Variants in PPARGC1B observed in about 807,000 individuals in gnomAD.
PPARGC1B encodes the protein PPARG coactivator 1 beta, also known as peroxisome proliferator-activated receptor gamma coactivator 1-beta.
Under a neutral mutation model 101.6 loss-of-function variants are expected in PPARGC1B, and 34 were observed. That is an observed-to-expected ratio of 0.33 (90% CI 0.25 to 0.45). The LOEUF (loss-of-function observed/expected upper bound fraction) is 0.45, where lower values mean the gene tolerates loss of function less well. Ranked by LOEUF, PPARGC1B falls within the 20% of genes least tolerant of loss-of-function variation. PPARGC1B has a pLI of 1.00. For missense variants in PPARGC1B, 1,234 were observed against 1,317.6 expected, an observed-to-expected ratio of 0.94 and a Z score of 0.98; for synonymous variants, 548 against 539.3, an observed-to-expected ratio of 1.02 and a Z score of -0.22.
intron 1 of PPARGC1B, among the ~76,000 whole-genome samples, chr5:149,752,290 A>T (rs1755335765): frequency 6.6e-6 from 1 of 152,190 alleles, no homozygotes; most frequent in African/African-American, 2.4e-5. Flanking sequence ...CTGATTTAGA[A>T]TCTATTACTC....
chr5:149,732,601 A>G (rs1754542442), intron 1 of PPARGC1B, among the ~76,000 whole-genome samples: 1 of 152,204 alleles, frequency 6.6e-6, no homozygotes, highest in African/African-American at 2.4e-5. Flanking sequence ...TTATTTAACC[A>G]CATGACAGGC....
Position 149,842,322 on chromosome 5 carries a change from C to T in PPARGC1B, c.2761C>T (p.Arg921Cys), listed in dbSNP as rs538570659. 73 of 1,614,072 alleles carry T rather than the reference C, an allele frequency of 4.5e-5. 1 individual carries two copies. In the South Asian group the frequency reaches 5.6e-4, roughly 12 times the overall value. The change falls in exon 10 of 12, where the codon CGC (arginine) becomes TGC (cysteine). Residue 921 changes from arginine to cysteine, a missense_variant. This residue lies in a region of PPARGC1B where 497 missense variants were observed against 529.5 expected (regional missense o/e 0.94). Transcript: ENST00000309241. ...CATGAGCTCCCGAGAGCTGAAGAGG[C>T]GCTTTGAAGTGTTTGGTGAGATTGA... The part of the protein sequence containing the change: ...SDMSSRELKR[R>C]FEVFGEIEEC...
intron 1 of PPARGC1B, among the ~76,000 whole-genome samples, chr5:149,760,363 G>A (rs1390327825): frequency 6.6e-6 from 1 of 152,210 alleles, no homozygotes; most frequent in Non-Finnish European, 1.5e-5. Flanking sequence ...GGTAGCTATG[G>A]GAAGGGCTTT....
rs1410498826 is a variant in PPARGC1B at position 149,851,623 on chromosome 5, G to T, written c.*4065G>T. ...TCCCTGGCCAAAGAAGAGGGACCCTGTCATCCTTACCAATGGGGAAGAAGA... is the reference window on the plus strand; with the variant it reads ...TCCCTGGCCAAAGAAGAGGGACCCTTTCATCCTTACCAATGGGGAAGAAGA... On this transcript the variant is annotated 3_prime_UTR_variant, in exon 12 of 12. Coordinates refer to ENST00000309241, the MANE Select transcript of PPARGC1B (RefSeq NM_133263.4). 6.6e-6 allele frequency: 1 copy of T among 151,232 alleles called. No homozygotes were observed. Among genetic ancestry groups the T allele is most frequent in the African/African-American group, 2.4e-5 (1 of 41,290 alleles). 9.4% of individuals were successfully genotyped at this position (151,232 alleles called of 1,614,324 possible).
In PPARGC1B at chr5:149,741,753, G is replaced by A. The variant is rs147133485; in HGVS notation, c.78+11333G>A. Among the ~76,000 whole-genome samples, 704 of 151,480 alleles carry A rather than the reference G, an allele frequency of 4.6e-3. 8 individuals carry two copies. The highest frequency in any genetic ancestry group is 0.015 in the African/African-American group (635 of 41,282). ...AGTGATTCTCCTGCCTCAGCCTCCCGAGTAGCTGGGATTACAGGCGTCTGC... is the reference window on the plus strand; with the variant it reads ...AGTGATTCTCCTGCCTCAGCCTCCCAAGTAGCTGGGATTACAGGCGTCTGC... On this transcript the variant is annotated intron_variant, in intron 1 of 11. Transcript: ENST00000309241.
intron 1 of PPARGC1B, among the ~76,000 whole-genome samples, chr5:149,793,129 C>A (rs1039965548): frequency 6.6e-6 from 1 of 151,986 alleles, no homozygotes; most frequent in Non-Finnish European, 1.5e-5. Context: ...CCCTGCCTTC[C>A]CCACCCTGGG....
intron 2 of PPARGC1B, among the ~76,000 whole-genome samples, chr5:149,826,283 G>A (rs957585765): frequency 6.6e-6 from 1 of 152,208 alleles, no homozygotes; most frequent in Non-Finnish European, 1.5e-5. Flanking sequence ...CTGAGGGGCT[G>A]TAACGGGTTG....
At chr5:149,734,104 C>T (rs1261674382) in intron 1 of PPARGC1B, among the ~76,000 whole-genome samples, 1 of 151,808 alleles carries the variant, frequency 6.6e-6, no homozygotes, top group Non-Finnish European at 1.5e-5. Flanking sequence ...GGTGAATCAC[C>T]TGAGGTCAGG....
intron 1 of PPARGC1B, among the ~76,000 whole-genome samples, chr5:149,797,039 A>G (rs1757247098): frequency 6.6e-6 from 1 of 152,174 alleles, no homozygotes; most frequent in Non-Finnish European, 1.5e-5. Flanking sequence ...GATTAGCTTG[A>G]AGGGCCTCCC....
intron 1 of PPARGC1B, among the ~76,000 whole-genome samples, chr5:149,757,806 A>G (rs1755591432): frequency 6.6e-6 from 1 of 152,222 alleles, no homozygotes. Context: ...TAGCGTGGCT[A>G]GCTCATGGGG....
chr5:149,805,496 G>A (rs1164675054), intron 1 of PPARGC1B, among the ~76,000 whole-genome samples: 3 of 152,162 alleles, frequency 2.0e-5, no homozygotes, highest in Non-Finnish European at 2.9e-5. Flanking sequence ...CTGGAGTGCA[G>A]TGGCATGATC....
intron 9 of PPARGC1B, among the ~76,000 whole-genome samples, chr5:149,840,437 A>G (rs1173537438): frequency 6.7e-6 from 1 of 149,970 alleles, no homozygotes; most frequent in Non-Finnish European, 1.5e-5. Flanking sequence ...GGTAGTGGGG[A>G]GCAGAGCCAG....
intron 1 of PPARGC1B, among the ~76,000 whole-genome samples, chr5:149,759,060 A>G (rs964225547): frequency 7.2e-5 from 11 of 152,190 alleles, no homozygotes; most frequent in Non-Finnish European, 1.2e-4. Flanking sequence ...AAAAGTGACT[A>G]TTATTTCTTT....
chr5:149,768,796 G>A (rs544160796), intron 1 of PPARGC1B, among the ~76,000 whole-genome samples: 47 of 150,486 alleles, frequency 3.1e-4, no homozygotes, highest in African/African-American at 1.0e-3. Context: ...GATTACAGGC[G>A]TGAGCCACCA....
At chr5:149,796,152 G>A (rs1013176166) in intron 1 of PPARGC1B, among the ~76,000 whole-genome samples, 1 of 152,160 alleles carries the variant, frequency 6.6e-6, no homozygotes, top group Non-Finnish European at 1.5e-5. Flanking sequence ...ATAAGACACA[G>A]CCATGCGATG....
intron 1 of PPARGC1B, among the ~76,000 whole-genome samples, chr5:149,815,639 C>T (rs1021211803): frequency 2.6e-5 from 4 of 152,202 alleles, no homozygotes; most frequent in African/African-American, 4.8e-5. Flanking sequence ...TCTCTGCTCA[C>T]TGCAATCTTT....
chr5:149,802,734 G>A (rs1400609236), intron 1 of PPARGC1B, among the ~76,000 whole-genome samples: 1 of 151,938 alleles, frequency 6.6e-6, no homozygotes, highest in Non-Finnish European at 1.5e-5. Context: ...ATGGTCACAT[G>A]ATAAGGATCT....
chr5:149,825,310 G>T (rs1162852676), intron 2 of PPARGC1B, among the ~76,000 whole-genome samples: 2 of 152,256 alleles, frequency 1.3e-5, no homozygotes, highest in Admixed American at 1.3e-4. Context: ...GCCTCCAGGA[G>T]CCTCTGTGTC....
intron 1 of PPARGC1B, among the ~76,000 whole-genome samples, chr5:149,753,312 T>C (rs1365605311): frequency 6.6e-6 from 1 of 152,020 alleles, no homozygotes; most frequent in Non-Finnish European, 1.5e-5. Flanking sequence ...GTTCAAGCGA[T>C]TCTCCTGCCT....
Sources: allele counts gnomAD v4.1 joint callset (sites outside exome capture counted in the v4.1 genomes callset), GRCh38; gene constraint gnomAD v4.1.1; regional missense constraint gnomAD v4.1.1; transcripts MANE v1.5; gene names NCBI Gene and HGNC (gene_info 2026-07-23, HGNC 2026-07-21).